Variants in UGT1A7 observed in about 807,000 individuals in gnomAD.
The protein encoded by UGT1A7 is UDP glucuronosyltransferase family 1 member A7, also known as UDP-glucuronosyltransferase 1A7.
UGT1A7 carries 33 observed loss-of-function variants against 45.6 expected under a neutral mutation model. That is an observed-to-expected ratio of 0.72 (90% confidence interval 0.55 to 0.97). The LOEUF is 0.97. Among genes scored for constraint, UGT1A7 ranks in the 50% least tolerant of loss-of-function variants. UGT1A7 has a pLI of 0.00. For synonymous variants in UGT1A7, 274 were observed against 250.6 expected, an observed-to-expected ratio of 1.09 and a Z score of -0.88; for missense variants, 684 against 666.2, an observed-to-expected ratio of 1.03 and a Z score of -0.29.
At chr2:233,724,084 T>C (rs1206273718) in intron 1 of UGT1A7, among the ~76,000 whole-genome samples, 23 of 99,034 alleles carry the variant, frequency 2.3e-4, no homozygotes, top group African/African-American at 1.2e-3. Flanking sequence ...GCAGAGGGGC[T>C]CCTCACTTCC....
rs187355953 is a variant in UGT1A7 at position 233,736,029 on chromosome 2, T to A, written c.856-31005T>A. 5.3e-3 allele frequency among the ~76,000 whole-genome samples: 815 copies of A among 152,350 alleles called. 8 individuals are homozygous for A. The highest frequency in any genetic ancestry group is 0.019 in the African/African-American group (776 of 41,576). On this transcript the variant is annotated intron_variant, in intron 1 of 4. Transcript: ENST00000373426. ...CGAGGAGTATCTTTGTGGTGTTCTC[T>A]GTATTTCCTGAATTTGAATGTTGGC... is the stretch of plus-strand genomic sequence containing the variant.
intron 1 of UGT1A7, chr2:233,692,273 C>T (rs1455446026): frequency 6.6e-6 from 1 of 152,386 alleles, no homozygotes; most frequent in African/African-American, 2.4e-5. Flanking sequence ...GTACTTTTTC[C>T]TCTGGCTATT....
intron 1 of UGT1A7, chr2:233,760,760 C>G (rs1218181857): frequency 6.2e-7 from 1 of 1,614,064 alleles, no homozygotes; most frequent in African/African-American, 1.3e-5. Context: ...CCTTGCAGCC[C>G]CATCGTGGCC....
At chr2:233,743,553 T>G in intron 1 of UGT1A7, 1 of 1,367,178 alleles carries the variant, frequency 7.3e-7, no homozygotes. Flanking sequence ...CCCCCCAAAA[T>G]ATTCTCCAGC....
intron 1 of UGT1A7, among the ~76,000 whole-genome samples, chr2:233,724,488 CG>C (rs1207122697): frequency 1.4e-5 from 1 of 72,502 alleles, no homozygotes; most frequent in Non-Finnish European, 2.9e-5. Context: ...TCAGACGGGG[CG>C]GCCGGGCAGA....
At chr2:233,710,950 C>G (rs1381804329) in intron 1 of UGT1A7, among the ~76,000 whole-genome samples, 1 of 152,180 alleles carries the variant, frequency 6.6e-6, no homozygotes, top group Non-Finnish European at 1.5e-5. Context: ...TTGTTTATGT[C>G]TCTGAGATTG....
At chr2:233,690,438 C>T (rs2074990341) in intron 1 of UGT1A7, 2 of 1,277,062 alleles carry the variant, frequency 1.6e-6, no homozygotes, top group African/African-American at 1.5e-5. Flanking sequence ...CTTTGGGTCT[C>T]TCCTCTATTC....
chr2:233,693,736 C>T, intron 1 of UGT1A7: 1 of 1,614,224 alleles, frequency 6.2e-7, no homozygotes, highest in South Asian at 1.1e-5. Context: ...TGGATATAAT[C>T]ACCTTATATC....
At chr2:233,706,628 T>C (rs1559354797) in intron 1 of UGT1A7, among the ~76,000 whole-genome samples, 1 of 152,116 alleles carries the variant, frequency 6.6e-6, no homozygotes, top group African/African-American at 2.4e-5. Context: ...GAAATGAGTG[T>C]TTCTACTGTG....
chr2:233,730,949 G>A (rs1036759717), intron 1 of UGT1A7, among the ~76,000 whole-genome samples: 16 of 152,150 alleles, frequency 1.1e-4, no homozygotes, highest in African/African-American at 1.4e-4. Flanking sequence ...TTTGGGTTTC[G>A]TTGAAATGGT....
At chr2:233,713,955 C>T in intron 1 of UGT1A7, 1 of 1,607,704 alleles carries the variant, frequency 6.2e-7, no homozygotes, top group Non-Finnish European at 8.5e-7. Context: ...CTTATCTTTC[C>T]AAAGATTTCA....
intron 1 of UGT1A7, chr2:233,719,251 C>T: frequency 1.2e-6 from 2 of 1,614,174 alleles, no homozygotes; most frequent in Non-Finnish European, 1.7e-6. Context: ...CTGAATGCTA[C>T]TTCCTTTGAT....
chr2:233,713,462 C>G (rs146711966), intron 1 of UGT1A7: 1 of 1,614,090 alleles, frequency 6.2e-7, no homozygotes, highest in Admixed American at 1.7e-5. Flanking sequence ...TTCACCTCTG[C>G]GCGGCGGTGC....
intron 1 of UGT1A7, chr2:233,743,543 C>G: frequency 7.3e-7 from 1 of 1,367,070 alleles, no homozygotes; most frequent in Non-Finnish European, 9.8e-7. Context: ...TTCCTCTGAC[C>G]CCCCCAAAAT....
intron 1 of UGT1A7, among the ~76,000 whole-genome samples, chr2:233,696,359 A>C (rs1559348526): frequency 6.6e-6 from 1 of 152,044 alleles, no homozygotes; most frequent in Non-Finnish European, 1.5e-5. Flanking sequence ...CCTTCCTTAA[A>C]TTTATTCCTA....
chr2:233,753,588 C>T (rs1263475788), intron 1 of UGT1A7: 2 of 152,166 alleles, frequency 1.3e-5, no homozygotes, highest in African/African-American at 4.8e-5. Flanking sequence ...TGGACTACCC[C>T]AAGGCAATAT....
At chr2:233,705,536 G>A (rs915166566) in intron 1 of UGT1A7, among the ~76,000 whole-genome samples, 5 of 152,188 alleles carry the variant, frequency 3.3e-5, no homozygotes, top group Non-Finnish European at 7.3e-5. Flanking sequence ...CTTCAGCTGT[G>A]AAGAGCAGCT....
intron 2 of UGT1A7, 140 bp downstream of exon 2, chr2:233,767,305 G>A (rs907806050): frequency 6.6e-7 from 1 of 1,518,864 alleles, no homozygotes; most frequent in Admixed American, 2.3e-5. Flanking sequence ...TAATCCAAAG[G>A]TTTTTTTTGT....
At chr2:233,693,994 C>T (rs889915567) in intron 1 of UGT1A7, 87 of 1,517,188 alleles carry the variant, frequency 5.7e-5, no homozygotes, top group African/African-American at 2.2e-4. Flanking sequence ...AAGTGATACC[C>T]GGCTCGGAGC....
Sources: allele counts gnomAD v4.1 joint callset (sites outside exome capture counted in the v4.1 genomes callset), GRCh38; gene constraint gnomAD v4.1.1; transcripts MANE v1.5; gene names NCBI Gene and HGNC (gene_info 2026-07-23, HGNC 2026-07-21).